The following VKORC1L1 variants were observed in gnomAD, a reference collection of about 807,000 sequenced individuals.
The protein encoded by VKORC1L1 is vitamin K epoxide reductase complex subunit 1L1, also known as vitamin K epoxide reductase complex subunit 1-like protein 1.
VKORC1L1 carries 2 observed loss-of-function variants against 18.9 expected under a neutral mutation model. The ratio of observed to expected loss-of-function variants is 0.11; its 90% CI spans 0.04 to 0.33. The LOEUF (loss-of-function observed/expected upper bound fraction) is 0.33, where lower values mean the gene tolerates loss of function less well. Ranked by LOEUF, VKORC1L1 falls within the 10% of genes least tolerant of loss-of-function variation. The pLI, the probability that VKORC1L1 is intolerant of heterozygous loss-of-function variation, is 1.00. For synonymous variants in VKORC1L1, 96 were observed against 100.0 expected (o/e 0.96, Z 0.24); for missense variants, 123 against 224.1 (o/e 0.55, Z 2.88).
At chr7:65,933,101 G>A (rs945564673) in intron 1 of VKORC1L1, among the ~76,000 whole-genome samples, 3 of 129,054 alleles carry the variant, frequency 2.3e-5, no homozygotes, top group Admixed American at 8.1e-5. Context: ...AAAAAAAAAA[G>A]TGTGTCGGCT....
chr7:65,899,306 A>C (rs1789269877), intron 1 of VKORC1L1, among the ~76,000 whole-genome samples: 1 of 152,148 alleles, frequency 6.6e-6, no homozygotes, highest in Non-Finnish European at 1.5e-5. Context: ...TACTCTTCCA[A>C]ATCCACCTCT....
intron 1 of VKORC1L1, among the ~76,000 whole-genome samples, chr7:65,899,730 T>C (rs762531771): frequency 6.6e-6 from 1 of 152,186 alleles, no homozygotes; most frequent in African/African-American, 2.4e-5. Context: ...CCAGACGTGG[T>C]GGCTCACGCC....
chr7:65,874,095 C>T (rs561797408), intron 1 of VKORC1L1, among the ~76,000 whole-genome samples: 1 of 152,184 alleles, frequency 6.6e-6, no homozygotes, highest in Non-Finnish European at 1.5e-5. Flanking sequence ...ACAGGTGTTT[C>T]CGTGGTCAGG....
At chr7:65,891,380 T>C (rs551662442) in intron 1 of VKORC1L1, among the ~76,000 whole-genome samples, 1 of 152,304 alleles carries the variant, frequency 6.6e-6, no homozygotes, top group East Asian at 1.9e-4. Context: ...GTGGTTGTAC[T>C]AATTAACACT....
intron 1 of VKORC1L1, among the ~76,000 whole-genome samples, chr7:65,893,104 T>G (rs922322206): frequency 1.3e-5 from 2 of 152,208 alleles, no homozygotes; most frequent in Admixed American, 1.3e-4. Context: ...TTAAGGAGAT[T>G]TCCAAAACAT....
intron 1 of VKORC1L1, among the ~76,000 whole-genome samples, chr7:65,920,401 T>A (rs1562995743): frequency 6.6e-6 from 1 of 152,236 alleles, no homozygotes; most frequent in South Asian, 2.1e-4. Context: ...CTCTCCCACC[T>A]GCTGGACCCT....
At chr7:65,875,678 A>G (rs1422587806) in intron 1 of VKORC1L1, among the ~76,000 whole-genome samples, 4 of 132,378 alleles carry the variant, frequency 3.0e-5, no homozygotes, top group East Asian at 2.7e-4. Context: ...CGGCCTCCCA[A>G]AGTGCTGGGA....
chr7:65,895,732 A>G (rs1789198160), intron 1 of VKORC1L1, among the ~76,000 whole-genome samples: 1 of 151,480 alleles, frequency 6.6e-6, no homozygotes, highest in African/African-American at 2.4e-5. Flanking sequence ...GCATCAGATC[A>G]CTGGCACAGA....
intron 1 of VKORC1L1, among the ~76,000 whole-genome samples, chr7:65,912,998 G>C (rs1169966181): frequency 6.6e-6 from 1 of 152,130 alleles, no homozygotes; most frequent in African/African-American, 2.4e-5. Context: ...ACTGAGCCTT[G>C]TGTGCCAATC....
Position 65,954,366 on chromosome 7 carries a change from T to TTTATCA in VKORC1L1, c.*70_*71insCATTAT. On this transcript the variant is annotated 3_prime_UTR_variant, in exon 3 of 3. Transcript: ENST00000360768. ...CATTCAGTTTATTTTGCAGCAGGTT[T>TTTATCA]TTATTATTATTATTATTATTATTAT... 6.8e-7 allele frequency: 1 copy of TTTATCA among 1,477,410 alleles called. No individual in the cohort carries two copies. The highest frequency in any genetic ancestry group is 9.0e-7 in the Non-Finnish European group (1 of 1,116,350). 91.5% of individuals were successfully genotyped at this position (1,477,410 alleles called of 1,614,324 possible).
At position 65,895,481 on chromosome 7, in the gene VKORC1L1, ATATATATAT is replaced by A. The variant is rs1284744645; in HGVS notation, c.194+21917_194+21925del. 5.2e-3 allele frequency among the ~76,000 whole-genome samples: 123 copies of A among 23,584 alleles called. 2 individuals are homozygous for A. Among genetic ancestry groups the A allele is most frequent in the African/African-American group, 7.8e-3 (41 of 5,290 alleles). 15.5% of individuals were successfully genotyped at this position (23,584 alleles called of 152,430 possible). A position where few individuals can be genotyped will look rare whatever the true frequency, so the allele number is the denominator to read the frequency against. The stretch of plus-strand genomic sequence containing the variant: ...AAAAAAAAAAAAAAAAAAAAAAAAA[ATATATATAT>A]ATATATATATATATATATATATATA... On this transcript the variant is annotated intron_variant, in intron 1 of 2. Coordinates refer to ENST00000360768, the MANE Select transcript of VKORC1L1 (RefSeq NM_173517.6).
intron 1 of VKORC1L1, among the ~76,000 whole-genome samples, chr7:65,930,526 T>G (rs1478606394): frequency 6.6e-6 from 1 of 152,214 alleles, no homozygotes; most frequent in Non-Finnish European, 1.5e-5. Flanking sequence ...TGGAACTGAT[T>G]GCTACAGCGG....
chr7:65,884,386 C>CA (rs1453770691), intron 1 of VKORC1L1, among the ~76,000 whole-genome samples: 1 of 152,148 alleles, frequency 6.6e-6, no homozygotes, highest in Non-Finnish European at 1.5e-5. Flanking sequence ...GCCATAATCC[C>CA]AGCACTTTGG....
At position 65,956,440 on chromosome 7, in the gene VKORC1L1, A is replaced by T. The variant is rs1261661761; in HGVS notation, c.*2140A>T. 5 of 152,226 alleles carry T rather than the reference A, an allele frequency of 3.3e-5. No homozygotes were observed. The highest frequency in any genetic ancestry group is 1.2e-4 in the African/African-American group (5 of 41,458). 9.4% of individuals were successfully genotyped at this position (152,226 alleles called of 1,614,324 possible). A position where few individuals can be genotyped will look rare whatever the true frequency, so the allele number is the denominator to read the frequency against. On this transcript the variant is annotated 3_prime_UTR_variant, in exon 3 of 3. Transcript: ENST00000360768. ...TTGTCTTGATGTTGCATTCTTGCAA[A>T]TGTCTTCAACTCTTACCTGAGAAAA...
intron 1 of VKORC1L1, among the ~76,000 whole-genome samples, chr7:65,941,703 G>A (rs998630731): frequency 2.7e-5 from 2 of 73,106 alleles, no homozygotes; most frequent in Admixed American, 1.7e-4. Flanking sequence ...TTTTTTGAGA[G>A]TTTTGCTCTA....
At position 65,948,765 on chromosome 7, in the gene VKORC1L1, C is replaced by G; in HGVS notation, c.289C>G (p.Leu97Val). 1.0e-6 allele frequency: 1 copy of G among 966,486 alleles called. No homozygotes were observed. Among genetic ancestry groups the G allele is most frequent in the South Asian group, 1.6e-5 (1 of 61,470 alleles). 59.9% of individuals were successfully genotyped at this position (966,486 alleles called of 1,614,324 possible). A position where few individuals can be genotyped will look rare whatever the true frequency, so the allele number is the denominator to read the frequency against. The change falls in exon 2 of 3, where the codon CTA becomes GTA. Residue 97 changes from leucine (L) to valine (V), a missense_variant. Leu to Val is a conservative substitution (Grantham distance 32). Around this residue, in one of 4 missense-constraint regions of VKORC1L1, gnomAD observed 18 missense variants for 66.7 expected, o/e 0.27. Transcript: ENST00000360768. ...NSVFGLIFYI[L>V]QLLLGMTASA... is the part of the protein sequence containing the mutation. ...TGTCTTTGGACTTATATTTTATATA[C>G]TACAGTTATTACTTGGTAAGTATTT...
chr7:65,888,167 G>T lies in VKORC1L1; in HGVS notation c.194+14602G>T, dbSNP rs1325445969. Among the ~76,000 whole-genome samples, 3 of 152,182 alleles carry T rather than the reference G, an allele frequency of 2.0e-5. No individual in the cohort carries two copies. In the East Asian group the frequency reaches 5.8e-4, roughly 29 times the overall value. The stretch of plus-strand genomic sequence containing the variant: ...AATTACAGTAATTTCTTATTATTCT[G>T]GTCAGAGATCCCTGGAATATCAAAA... On this transcript the variant is annotated intron_variant, in intron 1 of 2. Coordinates refer to ENST00000360768, the MANE Select transcript of VKORC1L1 (RefSeq NM_173517.6).
rs1048430581 is a variant in VKORC1L1 at position 65,957,064 on chromosome 7, C to A, written c.*2764C>A. 6.6e-6 allele frequency: 1 copy of A among 152,150 alleles called. No homozygotes were observed. The highest frequency in any genetic ancestry group is 2.4e-5 in the African/African-American group (1 of 41,430). 9.4% of individuals were successfully genotyped at this position (152,150 alleles called of 1,614,324 possible). On this transcript the variant is annotated 3_prime_UTR_variant, in exon 3 of 3. Transcript: ENST00000360768. ...GTTGCTCTCACTAAAGGTAAATTTCCGGTGAAATAACTCAGGTTTAACTAG... is the reference window on the plus strand; with the variant it reads ...GTTGCTCTCACTAAAGGTAAATTTCAGGTGAAATAACTCAGGTTTAACTAG...
chr7:65,887,981 A>C (rs1173867161), intron 1 of VKORC1L1, among the ~76,000 whole-genome samples: 1 of 152,208 alleles, frequency 6.6e-6, no homozygotes, highest in Non-Finnish European at 1.5e-5. Context: ...GTTTTAGTTA[A>C]CATTTTATTA....
Sources: gnomAD v4.1 joint callset for allele counts (sites outside exome capture counted in the v4.1 genomes callset) on GRCh38, gnomAD v4.1.1 for gene constraint, gnomAD v4.1.1 regional missense constraint, MANE v1.5 for transcripts, NCBI Gene and HGNC (gene_info 2026-07-23, HGNC 2026-07-21) for gene names.